Variants in MGST2 observed in about 807,000 individuals in gnomAD.
MGST2 encodes glutathione peroxidase MGST2.
MGST2 carries 9 observed loss-of-function variants against 16.6 expected under a neutral mutation model. The ratio of observed to expected loss-of-function variants is 0.54; its 90% CI spans 0.33 to 0.95. The LOEUF is 0.95. MGST2 is among the 40% of genes least tolerant of loss of function. MGST2 has a pLI of 0.03. For missense variants in MGST2, 159 were observed against 175.1 expected (o/e 0.91, Z 0.52); for synonymous variants, 79 against 68.0 (o/e 1.16, Z -0.79).
At chr4:139,687,786 C>T (rs1371019381) in intron 2 of MGST2, 2 of 152,182 alleles carry the variant, frequency 1.3e-5, no homozygotes, top group African/African-American at 4.8e-5. Context: ...TCCAGCCTTT[C>T]TGAGTTACTA....
intron 5 of MGST2, chr4:139,720,060 G>A (rs1401359585): frequency 6.2e-7 from 1 of 1,613,986 alleles, no homozygotes; most frequent in Admixed American, 1.7e-5. Flanking sequence ...GCTTGGTTAT[G>A]TGTGATGCTC....
intron 2 of MGST2, among the ~76,000 whole-genome samples, chr4:139,689,894 G>A (rs1726469532): frequency 1.3e-5 from 2 of 152,222 alleles, no homozygotes; most frequent in Admixed American, 6.5e-5. Flanking sequence ...CCCAAGTGAT[G>A]TGCCCACATT....
At chr4:139,671,505 G>A (rs926151891) in intron 1 of MGST2, among the ~76,000 whole-genome samples, 9 of 146,344 alleles carry the variant, frequency 6.1e-5, no homozygotes, top group Admixed American at 5.4e-4. Flanking sequence ...CTGCTCTGTC[G>A]CCCGGGCTGG....
intron 5 of MGST2, chr4:139,716,856 A>C (rs1727990853): frequency 3.3e-5 from 5 of 152,638 alleles, no homozygotes. Context: ...TCTTAAAAGG[A>C]AATAAGCAAT....
rs1265492237 is a variant in MGST2, at chr4:139,666,000, CA to C, written c.-17del. 3 of 1,613,876 alleles carry C rather than the reference CA, an allele frequency of 1.9e-6. No individual in the cohort carries two copies. Among genetic ancestry groups the C allele is most frequent in the Non-Finnish European group, 2.5e-6 (3 of 1,179,836 alleles). Reference sequence around the variant, plus strand: ...GCCATTTATCTTCCCGTGCGCTCTACAAATAGTTCCGTGAGAAAGATGGCCG... The same window carrying C: ...GCCATTTATCTTCCCGTGCGCTCTACAATAGTTCCGTGAGAAAGATGGCCG... On this transcript the variant is annotated 5_prime_UTR_variant, in exon 1 of 5. Transcript: ENST00000265498.
intron 5 of MGST2, among the ~76,000 whole-genome samples, chr4:139,737,995 G>T (rs573947852): frequency 5.6e-4 from 85 of 152,374 alleles, no homozygotes; most frequent in African/African-American, 2.0e-3. Flanking sequence ...GGGGCCCAAT[G>T]CGAAGGCTGC....
intron 1 of MGST2, among the ~76,000 whole-genome samples, chr4:139,671,272 T>TG (rs1454627871): frequency 6.6e-6 from 1 of 152,118 alleles, no homozygotes; most frequent in Non-Finnish European, 1.5e-5. Flanking sequence ...TTCAGTTGTT[T>TG]GGGGGTTAGG....
At chr4:139,695,629 C>CA (rs543174483) in intron 3 of MGST2, among the ~76,000 whole-genome samples, 924 of 151,866 alleles carry the variant, frequency 6.1e-3, no homozygotes, top group Middle Eastern at 0.01. Context: ...AAAAAACAAA[C>CA]AAAAAAAGGA....
chr4:139,753,216 G>A, the MGST2 span, among the ~76,000 whole-genome samples: 1 of 152,072 alleles, frequency 6.6e-6, no homozygotes, highest in Non-Finnish European at 1.5e-5. Context: ...CAATTCAGTG[G>A]CATTAAGTAC....
At chr4:139,673,552 G>A (rs1195918695) in intron 1 of MGST2, among the ~76,000 whole-genome samples, 2 of 152,094 alleles carry the variant, frequency 1.3e-5, no homozygotes, top group Non-Finnish European at 2.9e-5. Flanking sequence ...AACTACAGGC[G>A]TGCACCATCA....
At position 139,740,035 on chromosome 4, in the gene MGST2, C is replaced by T. The variant is rs112004832; in HGVS notation, c.*49-177C>T. Among the ~76,000 whole-genome samples the T allele has an allele frequency of 2.6e-3, 394 of 152,244 alleles. 2 individuals carry two copies. Among genetic ancestry groups the T allele is most frequent in the Middle Eastern group, 6.8e-3 (2 of 294 alleles). Reference sequence around the variant, plus strand: ...CCCTTTTAAAACCTGTACATGGCTTCCACAACTGGGCTTGGATACAGGTTC... The same window carrying T: ...CCCTTTTAAAACCTGTACATGGCTTTCACAACTGGGCTTGGATACAGGTTC... On this transcript the variant is annotated intron_variant, in intron 5 of 5. Transcript: ENST00000616265.
intron 3 of MGST2, among the ~76,000 whole-genome samples, chr4:139,700,907 A>C (rs1456843839): frequency 1.3e-5 from 2 of 152,016 alleles, no homozygotes; most frequent in East Asian, 3.8e-4. Flanking sequence ...ATTTAAATAA[A>C]CCAAAATCCA....
In MGST2 at chr4:139,665,953, TCAG is replaced by T. The variant is rs1304752107; in HGVS notation, c.-64_-62del. The T allele has an allele frequency of 7.3e-6, 11 of 1,516,374 alleles. No homozygotes were observed. In the East Asian group the frequency reaches 2.3e-4, roughly 31 times the overall value. The allele number at this position is 1,516,374 out of a possible 1,614,324, so 93.9% of individuals were successfully genotyped here. A position where few individuals can be genotyped will look rare whatever the true frequency, so the allele number is the denominator to read the frequency against. On this transcript the variant is annotated 5_prime_UTR_variant, in exon 1 of 5. Coordinates refer to ENST00000265498, the MANE Select transcript of MGST2 (RefSeq NM_002413.5). ...AACTTTGTTTACCCGATAAGGAAGG[TCAG>T]CATTCAAAGTCAAGAAGCGCCATTT...
chr4:139,668,485 A>G (rs1730489054), intron 1 of MGST2, among the ~76,000 whole-genome samples: 1 of 152,178 alleles, frequency 6.6e-6, no homozygotes, highest in Non-Finnish European at 1.5e-5. Flanking sequence ...AAGGCCTGCT[A>G]TCTGTCATGT....
intron 2 of MGST2, among the ~76,000 whole-genome samples, chr4:139,682,006 C>T (rs976044584): frequency 1.3e-5 from 2 of 152,010 alleles, no homozygotes; most frequent in Non-Finnish European, 2.9e-5. Context: ...GCCTGGGCAA[C>T]ATAGCAAGAG....
intron 5 of MGST2, among the ~76,000 whole-genome samples, chr4:139,733,514 G>A (rs1267587526): frequency 6.7e-6 from 1 of 148,802 alleles, no homozygotes; most frequent in Non-Finnish European, 1.5e-5. Flanking sequence ...CTTTTTGCCC[G>A]TGTCTTCCTG....
chr4:139,751,437 T>G, the MGST2 span, among the ~76,000 whole-genome samples: 2 of 152,182 alleles, frequency 1.3e-5, no homozygotes, highest in African/African-American at 4.8e-5. Context: ...GTGAAGGTAA[T>G]TACATACAAT....
chr4:139,709,071 A>ATTT (rs377191495), downstream of MGST2, among the ~76,000 whole-genome samples: 81 of 82,026 alleles, frequency 9.9e-4, 2 homozygotes, highest in South Asian at 9.8e-3. Flanking sequence ...AATGGAAAAA[A>ATTT]TTTTTTTTTT....
At chr4:139,729,341 A>C (rs1471098674) in intron 5 of MGST2, among the ~76,000 whole-genome samples, 3 of 152,118 alleles carry the variant, frequency 2.0e-5, no homozygotes, top group Non-Finnish European at 4.4e-5. Flanking sequence ...AAATTCTGGC[A>C]GGGCGTGGTG....
Sources: gnomAD v4.1 joint callset for allele counts (sites outside exome capture counted in the v4.1 genomes callset) on GRCh38, gnomAD v4.1.1 for gene constraint, MANE v1.5 for transcripts, NCBI Gene and HGNC (gene_info 2026-07-23, HGNC 2026-07-21) for gene names.